VPS13A: variants seen among roughly 807,000 people sequenced by gnomAD.
The protein encoded by VPS13A is intermembrane lipid transfer protein VPS13A.
Under a neutral mutation model 390.9 loss-of-function variants are expected in VPS13A, and 264 were observed. That is an observed-to-expected ratio of 0.68 (90% CI 0.61 to 0.75). VPS13A has a LOEUF of 0.75. Among genes scored for constraint, VPS13A ranks in the 30% least tolerant of loss-of-function variants. The probability of loss-of-function intolerance (pLI) is 0.00; values close to 1 mark genes in which losing one functional copy is unlikely to be tolerated. For missense variants in VPS13A, 3,409 were observed against 3,733.9 expected, an observed-to-expected ratio of 0.91 and a Z score of 2.27; for synonymous variants, 1,231 against 1,227.1, an observed-to-expected ratio of 1.00 and a Z score of -0.07.
intron 58 of VPS13A, among the ~76,000 whole-genome samples, chr9:77,359,832 A>T (rs1333199981): frequency 1.3e-5 from 2 of 151,374 alleles, no homozygotes; most frequent in African/African-American, 4.8e-5. Context: ...AAAAAAAAAA[A>T]GGCGGCTCTG....
intron 27 of VPS13A, among the ~76,000 whole-genome samples, chr9:77,280,529 G>T (rs1019236805): frequency 1.3e-5 from 2 of 151,792 alleles, no homozygotes; most frequent in Non-Finnish European, 2.9e-5. Context: ...TTTTAGTCTT[G>T]TTAGAGTGTA....
chr9:77,241,517 G>A (rs1246091184), intron 19 of VPS13A, among the ~76,000 whole-genome samples: 4 of 148,362 alleles, frequency 2.7e-5, no homozygotes, highest in East Asian at 2.0e-4. Flanking sequence ...CAGATAGTCC[G>A]TTATATGAAG....
At chr9:77,244,394 T>G (rs1010898534) in intron 19 of VPS13A, among the ~76,000 whole-genome samples, 2 of 152,074 alleles carry the variant, frequency 1.3e-5, no homozygotes, top group Non-Finnish European at 2.9e-5. Context: ...AAAGCCATTC[T>G]TGTGTCTTTC....
chr9:77,227,089 C>T (rs769253635), intron 15 of VPS13A, among the ~76,000 whole-genome samples: 2 of 152,094 alleles, frequency 1.3e-5, no homozygotes, highest in Non-Finnish European at 2.9e-5. Flanking sequence ...GTTAATACTA[C>T]CTACTTTTTA....
intron 1 of VPS13A, among the ~76,000 whole-genome samples, chr9:77,182,128 C>T (rs1167970871): frequency 6.6e-6 from 1 of 152,174 alleles, no homozygotes; most frequent in African/African-American, 2.4e-5. Flanking sequence ...GAGTCTCGTT[C>T]TGTCACCCGG....
intron 41 of VPS13A, among the ~76,000 whole-genome samples, chr9:77,318,962 C>G (rs1028043567): frequency 7.9e-5 from 12 of 151,912 alleles, no homozygotes; most frequent in African/African-American, 2.9e-4. Flanking sequence ...GAGGCCAAAG[C>G]AGAAGGATCG....
chr9:77,256,682 T>A (rs1309559670), intron 22 of VPS13A, among the ~76,000 whole-genome samples: 1 of 152,192 alleles, frequency 6.6e-6, no homozygotes, highest in African/African-American at 2.4e-5. Context: ...GTTTGGCACA[T>A]ATATGTTTAT....
In VPS13A at chr9:77,340,389, A is replaced by AG; in HGVS notation, c.6880-15_6880-14insG. On this transcript the variant is annotated splice_polypyrimidine_tract_variant and intron_variant, in intron 49 of 71. Coordinates refer to ENST00000360280, the MANE Select transcript of VPS13A (RefSeq NM_033305.3). ...ATACATAACAGTTTTTGAGCTGTTA[A>AG]TTTTTTTTTCTTAGGTTGGTGTCAC... is the stretch of plus-strand genomic sequence containing the variant. 1 of 1,607,968 alleles carries AG rather than the reference A, an allele frequency of 6.2e-7. No individual in the cohort carries two copies. Among genetic ancestry groups the AG allele is most frequent in the Admixed American group, 1.7e-5 (1 of 59,838 alleles).
intron 1 of VPS13A, among the ~76,000 whole-genome samples, chr9:77,188,557 A>C (rs1824484355): frequency 6.6e-6 from 1 of 152,192 alleles, no homozygotes. Context: ...TGCTATTGTG[A>C]AGTGGTGCTG....
At chr9:77,342,852 T>C (rs1436054045) in intron 50 of VPS13A, among the ~76,000 whole-genome samples, 5 of 152,148 alleles carry the variant, frequency 3.3e-5, no homozygotes, top group Non-Finnish European at 7.3e-5. Flanking sequence ...GGAATGGCAC[T>C]GGACAAGGGT....
At chr9:77,414,341 A>G (rs957392325) in intron 71 of VPS13A, among the ~76,000 whole-genome samples, 2 of 152,220 alleles carry the variant, frequency 1.3e-5, no homozygotes, top group African/African-American at 4.8e-5. Context: ...AACCAACCCA[A>G]ATGTCCAACA....
intron 1 of VPS13A, among the ~76,000 whole-genome samples, chr9:77,182,711 TTTG>T (rs1261779485): frequency 1.3e-5 from 2 of 152,210 alleles, no homozygotes; most frequent in Non-Finnish European, 2.9e-5. Flanking sequence ...TTGTCTCTAT[TTTG>T]TTTTCTCCGA....
At chr9:77,232,945 G>A (rs946523122) in intron 17 of VPS13A, among the ~76,000 whole-genome samples, 7 of 151,980 alleles carry the variant, frequency 4.6e-5, no homozygotes, top group Non-Finnish European at 7.4e-5. Context: ...CTAGTTATAG[G>A]TTTTACTATA....
At chr9:77,232,204 C>T (rs957705285) in intron 17 of VPS13A, among the ~76,000 whole-genome samples, 1 of 152,060 alleles carries the variant, frequency 6.6e-6, no homozygotes, top group Non-Finnish European at 1.5e-5. Flanking sequence ...AGTGTCTTCC[C>T]TATTTTGTTC....
Position 77,280,309 on chromosome 9 carries a change from G to T in VPS13A, c.2904+71G>T, listed in dbSNP as rs1317867431. On this transcript the variant is annotated intron_variant, in intron 27 of 71. Transcript: ENST00000360280. ...TGAAATGTTAAGTTTTGTAAGTTTG[G>T]TATTATTCAGTTTATTTAATCTTCA... 32 of 1,274,502 alleles carry T rather than the reference G, an allele frequency of 2.5e-5. No homozygotes were observed. The East Asian group carries it at 7.5e-4, about 30-fold the overall frequency. The allele number at this position is 1,274,502 out of a possible 1,614,324, so 78.9% of individuals were successfully genotyped here.
chr9:77,266,416 G>T (rs1408332620), intron 23 of VPS13A, among the ~76,000 whole-genome samples: 1 of 152,154 alleles, frequency 6.6e-6, no homozygotes, highest in Non-Finnish European at 1.5e-5. Context: ...TGCTGTTGTT[G>T]TGTGGGAGTC....
intron 63 of VPS13A, among the ~76,000 whole-genome samples, chr9:77,369,875 C>T (rs950190106): frequency 5.3e-5 from 8 of 152,288 alleles, no homozygotes; most frequent in African/African-American, 1.9e-4. Flanking sequence ...TAATTTTGCA[C>T]ATTGTAATTA....
intron 67 of VPS13A, among the ~76,000 whole-genome samples, chr9:77,371,997 C>G (rs1453406607): frequency 6.8e-6 from 1 of 147,866 alleles, no homozygotes; most frequent in Non-Finnish European, 1.5e-5. Context: ...TTTTTTATGG[C>G]TGCATAGTAT....
In VPS13A at chr9:77,407,529, A is replaced by G; in HGVS notation, c.9400-4A>G. 1.2e-6 allele frequency: 2 copies of G among 1,609,946 alleles called. No individual in the cohort carries two copies. The highest frequency in any genetic ancestry group is 1.3e-5 in the African/African-American group (1 of 74,986). ...TTTAATGAATTTACATATTCTGTTT[A>G]TAGGAACGAGTGAAGTCTGTATTTC... On this transcript the variant is annotated splice_region_variant and splice_polypyrimidine_tract_variant and intron_variant, in intron 70 of 71. Transcript: ENST00000360280.
Sources: gnomAD v4.1 joint callset for allele counts (sites outside exome capture counted in the v4.1 genomes callset) on GRCh38, gnomAD v4.1.1 for gene constraint, MANE v1.5 for transcripts, NCBI Gene and HGNC (gene_info 2026-07-23, HGNC 2026-07-21) for gene names.